The following RGS7 variants were observed in gnomAD, a reference collection of about 807,000 sequenced individuals.
The protein encoded by RGS7 is regulator of G-protein signaling 7.
Under a neutral mutation model 81.1 loss-of-function variants are expected in RGS7, and 27 were observed. The observed-to-expected ratio is 0.33, with a 90% confidence interval of 0.25 to 0.46. RGS7 has a LOEUF of 0.46. Ranked by LOEUF, RGS7 falls within the 20% of genes least tolerant of loss-of-function variation. The pLI is 1.00. For missense variants in RGS7, 396 were observed against 607.4 expected, an observed-to-expected ratio of 0.65 and a Z score of 3.66; for synonymous variants, 208 against 207.7, an observed-to-expected ratio of 1.00 and a Z score of -0.01.
At chr1:240,789,073 A>T (rs1225422881) in intron 18 of RGS7, among the ~76,000 whole-genome samples, 1 of 152,174 alleles carries the variant, frequency 6.6e-6, no homozygotes, top group Non-Finnish European at 1.5e-5. Flanking sequence ...GAAGAACATA[A>T]ATTGTGAAGA....
intron 6 of RGS7, among the ~76,000 whole-genome samples, chr1:240,897,092 G>A (rs917605178): frequency 2.6e-5 from 4 of 152,074 alleles, no homozygotes; most frequent in Non-Finnish European, 5.9e-5. Context: ...GTCTGTTATT[G>A]GTGTACAGGA....
At chr1:241,207,551 A>C (rs554094701) in intron 2 of RGS7, among the ~76,000 whole-genome samples, 2 of 152,102 alleles carry the variant, frequency 1.3e-5, no homozygotes, top group South Asian at 4.1e-4. Flanking sequence ...AGAACTAACA[A>C]ACAAATGAAC....
At chr1:241,346,858 C>A (rs1383617888) in intron 2 of RGS7, among the ~76,000 whole-genome samples, 1 of 152,016 alleles carries the variant, frequency 6.6e-6, no homozygotes, top group Non-Finnish European at 1.5e-5. Flanking sequence ...AATTTAGAAC[C>A]AGTGACAAAT....
intron 4 of RGS7, among the ~76,000 whole-genome samples, chr1:240,936,980 C>A (rs1489778643): frequency 6.6e-6 from 1 of 152,122 alleles, no homozygotes; most frequent in African/African-American, 2.4e-5. Flanking sequence ...TCCTGGCTAC[C>A]CATTCTGTAA....
chr1:240,852,208 T>C (rs1391658113), intron 9 of RGS7, among the ~76,000 whole-genome samples: 2 of 152,162 alleles, frequency 1.3e-5, no homozygotes, highest in Non-Finnish European at 2.9e-5. Context: ...ACCGCCCAGA[T>C]CAGTCAGCAG....
At chr1:240,817,446 G>A (rs944367799) in intron 10 of RGS7, among the ~76,000 whole-genome samples, 2 of 152,096 alleles carry the variant, frequency 1.3e-5, no homozygotes, top group Non-Finnish European at 1.5e-5. Context: ...CACCAAGCTT[G>A]CCAATATCTC....
chr1:241,003,696 C>T (rs148215800), intron 3 of RGS7, among the ~76,000 whole-genome samples: 2 of 152,218 alleles, frequency 1.3e-5, no homozygotes, highest in Non-Finnish European at 2.9e-5. Context: ...AGGGGCTCTC[C>T]CACTCCTGTA....
At chr1:241,110,220 T>C (rs534252728) in intron 2 of RGS7, among the ~76,000 whole-genome samples, 1 of 152,332 alleles carries the variant, frequency 6.6e-6, no homozygotes, top group East Asian at 1.9e-4. Context: ...ATTCCCTTTT[T>C]TCTTAGTCAC....
At chr1:240,960,091 G>A (rs1681104500) in intron 4 of RGS7, among the ~76,000 whole-genome samples, 1 of 151,562 alleles carries the variant, frequency 6.6e-6, no homozygotes, top group Admixed American at 6.6e-5. Context: ...GAAGATTGCA[G>A]TGAGCCGAGA....
chr1:241,226,330 G>T (rs1243260339), intron 2 of RGS7, among the ~76,000 whole-genome samples: 1 of 152,114 alleles, frequency 6.6e-6, no homozygotes, highest in Admixed American at 6.5e-5. Context: ...AGAGGAGGCT[G>T]GAAGAAGGAG....
chr1:241,007,002 C>T (rs529101353), intron 3 of RGS7, among the ~76,000 whole-genome samples: 2 of 152,130 alleles, frequency 1.3e-5, no homozygotes, highest in East Asian at 3.9e-4. Flanking sequence ...CTGCAACCCA[C>T]GTTTCCTGGG....
intron 2 of RGS7, among the ~76,000 whole-genome samples, chr1:241,295,728 G>T (rs138083421): frequency 1.3e-5 from 2 of 152,142 alleles, no homozygotes; most frequent in Non-Finnish European, 2.9e-5. Context: ...TAGAGATTCC[G>T]GAGTCGGCAA....
intron 2 of RGS7, among the ~76,000 whole-genome samples, chr1:241,306,933 A>G (rs959602146): frequency 2.6e-5 from 4 of 152,350 alleles, no homozygotes; most frequent in African/African-American, 9.6e-5. Context: ...TTTCTTTCAA[A>G]TCACACTAAC....
intron 6 of RGS7, among the ~76,000 whole-genome samples, chr1:240,876,825 GTGGTGCACACCTGTAATCCCA>G (rs1344469323): frequency 6.6e-6 from 1 of 152,116 alleles, no homozygotes; most frequent in African/African-American, 2.4e-5. Flanking sequence ...GCTGGGCTTG[GTGGTGCACACCTGTAATCCCA>G]GCTCCTTGGG....
chr1:241,231,293 T>G (rs1032890019), intron 2 of RGS7, among the ~76,000 whole-genome samples: 5 of 152,328 alleles, frequency 3.3e-5, no homozygotes, highest in African/African-American at 1.2e-4. Context: ...ATAGTCTATT[T>G]GATAAAAATT....
chr1:240,906,733 G>T (rs1317931128), intron 6 of RGS7, among the ~76,000 whole-genome samples: 1 of 152,156 alleles, frequency 6.6e-6, no homozygotes, highest in Non-Finnish European at 1.5e-5. Context: ...GCACTGGGCT[G>T]CCTTAGAAAA....
At chr1:241,172,803 A>G (rs1572983507) in intron 2 of RGS7, among the ~76,000 whole-genome samples, 1 of 152,240 alleles carries the variant, frequency 6.6e-6, no homozygotes, top group Admixed American at 6.5e-5. Context: ...AGAGAATGCA[A>G]TAAGTAGTGG....
At chr1:240,884,713 T>C (rs1303846773) in intron 6 of RGS7, among the ~76,000 whole-genome samples, 2 of 152,296 alleles carry the variant, frequency 1.3e-5, no homozygotes, top group East Asian at 1.9e-4. Flanking sequence ...ATGCAGAAGA[T>C]TGAAGCTAGA....
At position 241,355,704 on chromosome 1, in the gene RGS7, T is replaced by C; in HGVS notation, c.73A>G (p.Arg25Gly). ...ADESPNMLVYRKMEDVIARMQ... is the reference protein window; with the variant it reads ...ADESPNMLVYGKMEDVIARMQ... The stretch of plus-strand genomic sequence containing the variant: ...GAAACTGAAGACATTCTTACCTTTC[T>C]GTACACCAGCATGTTGGGTGATTCA... The change falls in exon 2 of 19, where the codon AGA becomes GGA. Residue 25 changes from arginine (R) to glycine (G), a missense_variant. By Grantham distance (125) the Arg-to-Gly change is moderately radical (BLOSUM62 -2). Transcript: ENST00000440928. The C allele has an allele frequency of 6.2e-7, 1 of 1,614,014 alleles. No homozygotes were observed.
Sources: gnomAD v4.1 joint callset for allele counts (sites outside exome capture counted in the v4.1 genomes callset) on GRCh38, gnomAD v4.1.1 for gene constraint, MANE v1.5 for transcripts, NCBI Gene and HGNC (gene_info 2026-07-23, HGNC 2026-07-21) for gene names.